The following SMAD3 variants were observed in gnomAD, a reference collection of about 807,000 sequenced individuals.
SMAD3 encodes SMAD family member 3, also known as MAD homolog 3.
A neutral mutation model predicts 51.8 loss-of-function variants in SMAD3; 12 were observed. That is an observed-to-expected ratio of 0.23 (90% CI 0.15 to 0.38). The LOEUF is 0.38. SMAD3 is among the 10% of genes least tolerant of loss of function. The pLI is 1.00. For missense variants in SMAD3, 294 were observed against 565.6 expected (o/e 0.52, Z 4.87); for synonymous variants, 238 against 227.7 (o/e 1.05, Z -0.41).
At chr15:67,175,901 G>A (rs1962879395) in intron 5 of SMAD3, among the ~76,000 whole-genome samples, 1 of 152,022 alleles carries the variant, frequency 6.6e-6, no homozygotes, top group South Asian at 2.1e-4. Flanking sequence ...CCCCACACTT[G>A]TGAAATCACA....
At chr15:67,070,233 G>T (rs1352258169) in intron 1 of SMAD3, among the ~76,000 whole-genome samples, 1 of 152,160 alleles carries the variant, frequency 6.6e-6, no homozygotes, top group Non-Finnish European at 1.5e-5. Flanking sequence ...TGCTAGGGAG[G>T]TGGTCCATTA....
At chr15:67,125,549 C>A (rs1395990663) in intron 1 of SMAD3, among the ~76,000 whole-genome samples, 1 of 152,196 alleles carries the variant, frequency 6.6e-6, no homozygotes, top group Non-Finnish European at 1.5e-5. Context: ...TAGGAGTTAA[C>A]CACTTTTTAG....
intron 1 of SMAD3, among the ~76,000 whole-genome samples, chr15:67,139,817 T>C (rs7167287): frequency 0.022 from 3,312 of 152,302 alleles, 135 homozygotes; most frequent in African/African-American, 0.075. Flanking sequence ...GAAGCTGTGC[T>C]TGGAAAGTGA....
intron 1 of SMAD3, chr15:67,145,917 A>G (rs1961964128): frequency 6.6e-6 from 1 of 152,226 alleles, no homozygotes; most frequent in East Asian, 1.9e-4. Context: ...TTTAGAGTTC[A>G]GAGTTCAGCT....
intron 1 of SMAD3, among the ~76,000 whole-genome samples, chr15:67,085,374 G>A (rs1960365796): frequency 6.6e-6 from 1 of 152,176 alleles, no homozygotes; most frequent in Admixed American, 6.5e-5. Flanking sequence ...TCTATAAACT[G>A]AAGGTGTTGG....
chr15:67,085,099 C>T (rs577645376), intron 1 of SMAD3, among the ~76,000 whole-genome samples: 11 of 152,294 alleles, frequency 7.2e-5, no homozygotes, highest in African/African-American at 2.6e-4. Flanking sequence ...TATATTTGCC[C>T]TCAGTTGTTT....
chr15:67,141,513 A>G (rs536535278), intron 1 of SMAD3, among the ~76,000 whole-genome samples: 12 of 152,280 alleles, frequency 7.9e-5, no homozygotes, highest in Non-Finnish European at 1.8e-4. Context: ...CCAGGATGAG[A>G]CAGTCTTCAG....
intron 1 of SMAD3, chr15:67,137,977 A>G: frequency 7.4e-7 from 1 of 1,355,032 alleles, no homozygotes; most frequent in Non-Finnish European, 1.0e-6. Context: ...TATTGTCCTT[A>G]TCATCAGAAT....
chr15:67,143,043 TA>T, intron 1 of SMAD3: 1 of 213,506 alleles, frequency 4.7e-6, no homozygotes, highest in Non-Finnish European at 1.0e-5. Context: ...TGTGATTCTC[TA>T]ATGCCAGCTT....
chr15:67,164,956 C>T lies in SMAD3; in HGVS notation c.268C>T (p.Arg90Cys), dbSNP rs1085307496. The T allele has an allele frequency of 3.1e-6, 5 of 1,613,792 alleles. No individual in the cohort carries two copies. Among genetic ancestry groups the T allele is most frequent in the Non-Finnish European group, 2.5e-6 (3 of 1,180,050 alleles). The change falls in exon 2 of 9, where the codon CGC (arginine) becomes TGC (cysteine). Residue 90 changes from arginine (R) to cysteine (C), a missense_variant. Arg to Cys is a radical substitution (Grantham distance 180, BLOSUM62 -3). Transcript: ENST00000327367. The part of the protein sequence containing the change: ...RKGLPHVIYC[R>C]LWRWPDLHSH... ...GGGGCTCCCTCATGTCATCTACTGC[C>T]GCCTGTGGCGATGGCCAGACCTGCA...
At position 67,083,155 on chromosome 15, in the gene SMAD3, G is replaced by A. The variant is rs899523922; in HGVS notation, c.206+16795G>A. On this transcript the variant is annotated intron_variant, in intron 1 of 8. Transcript: ENST00000327367. Reference sequence around the variant, plus strand: ...GGGCATGAAACCAGACGAAGTTGCCGCAGTGCGAGGCTGGTTCTGTTTGCC... The same window carrying A: ...GGGCATGAAACCAGACGAAGTTGCCACAGTGCGAGGCTGGTTCTGTTTGCC... Among the ~76,000 whole-genome samples the A allele has an allele frequency of 7.2e-5, 11 of 152,242 alleles. 1 individual carries two copies. The highest frequency in any genetic ancestry group is 5.8e-4 in the East Asian group (3 of 5,198).
In SMAD3 at chr15:67,146,438, A is replaced by G. The variant is rs911651475; in HGVS notation, c.207-18457A>G. Among the ~76,000 whole-genome samples the G allele has an allele frequency of 2.0e-5, 3 of 152,224 alleles. No homozygotes were observed. In the South Asian group the frequency reaches 6.2e-4, roughly 31 times the overall value. ...GGTTATAGACCCAGGGCACGTGGCC[A>G]GAGCAGCTGTCAGTGGAGGTGCGGC... On this transcript the variant is annotated intron_variant, in intron 1 of 8. Coordinates refer to ENST00000327367, the MANE Select transcript of SMAD3 (RefSeq NM_005902.4).
At chr15:67,184,935 GT>G in intron 7 of SMAD3, 71 bp downstream of exon 7, 6 of 1,588,566 alleles carry the variant, frequency 3.8e-6, no homozygotes, top group Non-Finnish European at 5.2e-6. Flanking sequence ...GCTGGAGAGA[GT>G]CCACCTTTCT....
At chr15:67,115,518 G>A (rs1250946744) in intron 1 of SMAD3, among the ~76,000 whole-genome samples, 1 of 151,860 alleles carries the variant, frequency 6.6e-6, no homozygotes, top group Non-Finnish European at 1.5e-5. Context: ...CGTGCTGGTT[G>A]CCAAAGAATC....
chr15:67,166,983 C>T (rs1440886578), intron 4 of SMAD3, 130 bp downstream of exon 4: 6 of 782,450 alleles, frequency 7.7e-6, no homozygotes, highest in African/African-American at 3.4e-5. Flanking sequence ...GTAGAGCAAC[C>T]GCGATGTGCA....
In SMAD3 at chr15:67,165,343, C is replaced by G; in HGVS notation, c.491C>G (p.Thr164Ser). The change falls in exon 3 of 9, where the codon ACT becomes AGT. Residue 164 changes from threonine (T) to serine (S), a missense_variant. Physicochemically the swap from Thr to Ser is moderately conservative, Grantham distance 58 (BLOSUM62 1). This residue lies in a region of SMAD3 where 147 missense variants were observed against 260.9 expected (regional missense o/e 0.56). Coordinates refer to ENST00000327367, the MANE Select transcript of SMAD3 (RefSeq NM_005902.4). ...TACAGCCATTCCATCCCCGAAAACA[C>G]TAACTTCCCCGCAGGCATCGAGCCC... is the stretch of plus-strand genomic sequence containing the variant. Reference protein sequence around the residue: ...DDYSHSIPENTNFPAGIEPQS... With the variant: ...DDYSHSIPENSNFPAGIEPQS... 6.2e-7 allele frequency: 1 copy of G among 1,614,240 alleles called. No individual in the cohort carries two copies. Among genetic ancestry groups the G allele is most frequent in the Non-Finnish European group, 8.5e-7 (1 of 1,180,042 alleles).
intron 1 of SMAD3, among the ~76,000 whole-genome samples, chr15:67,102,434 C>G (rs1960782301): frequency 6.6e-6 from 1 of 152,200 alleles, no homozygotes; most frequent in East Asian, 1.9e-4. Flanking sequence ...GTGAAAACCA[C>G]TTAAAATGTG....
chr15:67,157,146 C>G (rs963749146), intron 1 of SMAD3, among the ~76,000 whole-genome samples: 4 of 152,220 alleles, frequency 2.6e-5, no homozygotes, highest in Non-Finnish European at 5.9e-5. Flanking sequence ...GAAAGTTTGT[C>G]TGAAAGTGAC....
At chr15:67,121,920 C>T (rs575327821) in intron 1 of SMAD3, among the ~76,000 whole-genome samples, 5 of 152,296 alleles carry the variant, frequency 3.3e-5, no homozygotes, top group South Asian at 2.1e-4. Context: ...CTATATTGTC[C>T]GATACCTATC....
Sources: gnomAD v4.1 joint callset for allele counts (sites outside exome capture counted in the v4.1 genomes callset) on GRCh38, gnomAD v4.1.1 for gene constraint, gnomAD v4.1.1 regional missense constraint, MANE v1.5 for transcripts, NCBI Gene and HGNC (gene_info 2026-07-23, HGNC 2026-07-21) for gene names.